GRIK5: variants seen among roughly 807,000 people sequenced by gnomAD.
The protein encoded by GRIK5 is glutamate ionotropic receptor kainate type subunit 5.
A neutral mutation model predicts 97.4 loss-of-function variants in GRIK5; 43 were observed. The ratio of observed to expected loss-of-function variants is 0.44; its 90% CI spans 0.35 to 0.57. The LOEUF (loss-of-function observed/expected upper bound fraction) is 0.57, where lower values mean the gene tolerates loss of function less well. GRIK5 is among the 20% of genes least tolerant of loss of function. The pLI is 0.01. For synonymous variants in GRIK5, 580 were observed against 583.5 expected (o/e 0.99, Z 0.09); for missense variants, 1,015 against 1,382.0 (o/e 0.73, Z 4.21).
At chr19:42,061,929 TCACATTTCAGC>T (rs2076265065) in intron 5 of GRIK5, among the ~76,000 whole-genome samples, 1 of 152,236 alleles carries the variant, frequency 6.6e-6, no homozygotes, top group Non-Finnish European at 1.5e-5. Flanking sequence ...TTCGTTGTTC[TCACATTTCAGC>T]CACTGGGAGT....
chr19:42,003,642 G>A lies in GRIK5; in HGVS notation c.2305C>T (p.Leu769Phe). 1 of 1,612,820 alleles carries A rather than the reference G, an allele frequency of 6.2e-7. No individual in the cohort carries two copies. The highest frequency in any genetic ancestry group is 8.5e-7 in the Non-Finnish European group (1 of 1,179,418). The change falls in exon 18 of 20, where the codon CTT (leucine) becomes TTT (phenylalanine). Residue 769 changes from leucine (L) to phenylalanine (F), a missense_variant. Leu to Phe is a conservative substitution (Grantham distance 22). Transcript: ENST00000593562. The surrounding 1 kb of genome is among the most constrained non-coding windows in gnomAD (Gnocchi z 4.2). ...ATCTCCAGCCGGTTGTTCTCCTGAA[G>A]CTGCAGGATGGCCAGTGTGATCTCA... ...RDEITLAILQ[L>F]QENNRLEILK...
At position 42,016,703 on chromosome 19, in the gene GRIK5, A is replaced by G. The variant is rs531065622; in HGVS notation, c.1871+4598T>C. Among the ~76,000 whole-genome samples the G allele has an allele frequency of 1.2e-3, 181 of 152,306 alleles. 4 individuals are homozygous for G. The South Asian group carries it at 0.036, about 30-fold the overall frequency. On this transcript the variant is annotated intron_variant, in intron 15 of 19. Coordinates refer to ENST00000593562, the MANE Select transcript of GRIK5 (RefSeq NM_002088.5). ...GGAGGGGTCTAGAGATGACTTCGGA[A>G]GTGTTAGTATGCGCATAGCATGGGA...
intron 19 of GRIK5, among the ~76,000 whole-genome samples, chr19:42,000,439 G>A (rs1173735324): frequency 6.6e-6 from 1 of 152,212 alleles, no homozygotes; most frequent in African/African-American, 2.4e-5. Context: ...GCATGGAAGA[G>A]AGAGAATAGT....
At chr19:42,052,865 A>G (rs1430020746) in intron 11 of GRIK5, among the ~76,000 whole-genome samples, 2 of 152,196 alleles carry the variant, frequency 1.3e-5, no homozygotes, top group Non-Finnish European at 2.9e-5. Context: ...CGAGCCTGAC[A>G]CTAGCTCTGC....
intron 9 of GRIK5, 152 bp from the exon 10 acceptor site, chr19:42,054,081 A>G: frequency 1.5e-6 from 1 of 661,810 alleles, no homozygotes; most frequent in Non-Finnish European, 2.6e-6. Flanking sequence ...CAGTCAAAAG[A>G]GCAAGATAAC....
At chr19:42,068,913 G>C (rs2076381951) in intron 1 of GRIK5, 2 of 678,196 alleles carry the variant, frequency 2.9e-6, no homozygotes, top group African/African-American at 3.6e-5. Flanking sequence ...TCTGGGACCA[G>C]GACGGAGGCT....
intron 5 of GRIK5, among the ~76,000 whole-genome samples, chr19:42,060,362 A>G (rs898986591): frequency 6.6e-6 from 1 of 152,170 alleles, no homozygotes; most frequent in African/African-American, 2.4e-5. Context: ...GTTGGGCAAC[A>G]AACACCGCAA....
intron 12 of GRIK5, among the ~76,000 whole-genome samples, chr19:42,038,822 C>T (rs769602888): frequency 7.9e-5 from 12 of 152,228 alleles, no homozygotes; most frequent in Non-Finnish European, 1.3e-4. Flanking sequence ...GTTGTGATGA[C>T]GGTGGTGACT....
intron 12 of GRIK5, among the ~76,000 whole-genome samples, chr19:42,036,405 T>G (rs957840419): frequency 6.6e-6 from 1 of 151,908 alleles, no homozygotes; most frequent in Non-Finnish European, 1.5e-5. Context: ...CAGGCTGGAG[T>G]GCAGTGGTGC....
Position 41,998,713 on chromosome 19 carries a change from C to A in GRIK5, c.*158G>T. The A allele has an allele frequency of 4.1e-6, 1 of 241,766 alleles. No individual in the cohort carries two copies. Among genetic ancestry groups the A allele is most frequent in the Non-Finnish European group, 7.3e-6 (1 of 137,624 alleles). The allele number at this position is 241,766 out of a possible 1,614,324, so 15.0% of individuals were successfully genotyped here. ...GGCGCAGGCGGGCTCCAGAGCCAGG[C>A]CTCGGACTTCGCGGGGAACCAAAGG... On this transcript the variant is annotated 3_prime_UTR_variant, in exon 20 of 20. Transcript: ENST00000593562.
chr19:42,046,956 C>A (rs1047386321), intron 11 of GRIK5, among the ~76,000 whole-genome samples: 1 of 152,038 alleles, frequency 6.6e-6, no homozygotes, highest in East Asian at 1.9e-4. Context: ...GGTGCAATCT[C>A]GGCTCACTAG....
chr19:42,022,724 C>T lies in GRIK5; in HGVS notation c.1474-370G>A, dbSNP rs572593044. On this transcript the variant is annotated intron_variant, in intron 12 of 19. Transcript: ENST00000593562. The surrounding 1 kb of genome is among the most constrained non-coding windows in gnomAD (Gnocchi z 4.2). ...TGAAGGGGCTGAGACTGACAGCACTCGAGATAATACAGGCCCGGACAGAAC... is the reference window on the plus strand; with the variant it reads ...TGAAGGGGCTGAGACTGACAGCACTTGAGATAATACAGGCCCGGACAGAAC... The T allele has an allele frequency of 6.6e-6, 6 of 905,050 alleles. No individual in the cohort carries two copies. Among genetic ancestry groups the T allele is most frequent in the Admixed American group, 6.2e-5 (1 of 16,054 alleles). The allele number at this position is 905,050 out of a possible 1,614,324, so 56.1% of individuals were successfully genotyped here.
chr19:42,035,369 C>T (rs1335346627), intron 12 of GRIK5, among the ~76,000 whole-genome samples: 1 of 152,166 alleles, frequency 6.6e-6, no homozygotes, highest in Non-Finnish European at 1.5e-5. Flanking sequence ...GCAAACTACA[C>T]AGCAGTAAGT....
intron 15 of GRIK5, among the ~76,000 whole-genome samples, chr19:42,017,993 G>A (rs1011342541): frequency 3.9e-4 from 59 of 152,004 alleles, no homozygotes; most frequent in African/African-American, 1.4e-3. Flanking sequence ...GAGGGATGGG[G>A]GCCATGGTCA....
chr19:42,058,922 T>G (rs1472703742), intron 6 of GRIK5, among the ~76,000 whole-genome samples: 1 of 151,956 alleles, frequency 6.6e-6, no homozygotes, highest in Non-Finnish European at 1.5e-5. Flanking sequence ...AGAGCTACGA[T>G]GTAGCCAGAT....
At chr19:42,019,365 C>CT (rs2075669800) in intron 15 of GRIK5, among the ~76,000 whole-genome samples, 1 of 152,200 alleles carries the variant, frequency 6.6e-6, no homozygotes, top group Non-Finnish European at 1.5e-5. Context: ...CCTTCTCTGA[C>CT]TGCCCCCATG....
chr19:42,069,160 G>A, intron 1 of GRIK5, 81 bp downstream of exon 1: 1 of 395,188 alleles, frequency 2.5e-6, no homozygotes, highest in South Asian at 1.0e-4. Flanking sequence ...GGAGAATGTG[G>A]TGCCCCCCTG....
rs1440254811 is a variant in GRIK5 at position 42,021,270 on chromosome 19, C to T, written c.1871+31G>A. The T allele has an allele frequency of 6.3e-7, 1 of 1,595,172 alleles. No homozygotes were observed. Among genetic ancestry groups the T allele is most frequent in the Admixed American group, 1.7e-5 (1 of 58,524 alleles). ...GGCCTCAGATGGGTCCCTCCCTCGC[C>T]CCGGGCAGAGGCAGATAGAAAGCTT... is the stretch of plus-strand genomic sequence containing the variant. On this transcript the variant is annotated intron_variant, in intron 15 of 19. Coordinates refer to ENST00000593562, the MANE Select transcript of GRIK5 (RefSeq NM_002088.5). The surrounding 1 kb of genome is among the most constrained non-coding windows in gnomAD (Gnocchi z 4.2).
Position 42,002,541 on chromosome 19 carries a change from T to C in GRIK5, c.2514+791A>G. 1.5e-6 allele frequency: 1 copy of C among 687,454 alleles called. No individual in the cohort carries two copies. Among genetic ancestry groups the C allele is most frequent in the Non-Finnish European group, 2.7e-6 (1 of 368,756 alleles). 42.6% of individuals were successfully genotyped at this position (687,454 alleles called of 1,614,324 possible). A position where few individuals can be genotyped will look rare whatever the true frequency, so the allele number is the denominator to read the frequency against. On this transcript the variant is annotated intron_variant, in intron 19 of 19. Coordinates refer to ENST00000593562, the MANE Select transcript of GRIK5 (RefSeq NM_002088.5). The surrounding 1 kb of genome is among the most constrained non-coding windows in gnomAD (Gnocchi z 5.2). ...ACTGGCAGGCAGCTGGATGCAGAGC[T>C]GGGGTCTGGGGAGTAGATGTAAGGT...
Sources: gnomAD v4.1 joint callset for allele counts (sites outside exome capture counted in the v4.1 genomes callset) on GRCh38, gnomAD v4.1.1 for gene constraint, Gnocchi (gnomAD v3.1) non-coding constraint, MANE v1.5 for transcripts, NCBI Gene and HGNC (gene_info 2026-07-23, HGNC 2026-07-21) for gene names.